DLGAP1: variants seen among roughly 807,000 people sequenced by gnomAD.
The protein encoded by DLGAP1 is DLG associated protein 1, also known as disks large-associated protein 1.
A neutral mutation model predicts 90.8 loss-of-function variants in DLGAP1; 11 were observed. That is an observed-to-expected ratio of 0.12 (90% confidence interval 0.08 to 0.20). The LOEUF (loss-of-function observed/expected upper bound fraction) is 0.20, where lower values mean the gene tolerates loss of function less well. DLGAP1 is among the 10% of genes least tolerant of loss of function. The probability of loss-of-function intolerance (pLI) is 1.00; values close to 1 mark genes in which losing one functional copy is unlikely to be tolerated. For synonymous variants in DLGAP1, 558 were observed against 540.7 expected (o/e 1.03, Z -0.44); for missense variants, 1,050 against 1,333.8 (o/e 0.79, Z 3.31).
chr18:3,543,113 G>A (rs893948710), intron 9 of DLGAP1, among the ~76,000 whole-genome samples: 3 of 150,920 alleles, frequency 2.0e-5, no homozygotes, highest in African/African-American at 4.9e-5. Context: ...GAGGTAAAGC[G>A]ACTTTCAATC....
chr18:4,332,391 T>C (rs1266978422), intron 1 of DLGAP1, among the ~76,000 whole-genome samples: 2 of 151,946 alleles, frequency 1.3e-5, no homozygotes, highest in Non-Finnish European at 2.9e-5. Flanking sequence ...TGCGTATTAT[T>C]AGGTAGAAAA....
intron 1 of DLGAP1, among the ~76,000 whole-genome samples, chr18:4,223,302 A>T (rs942247024): frequency 4.6e-5 from 7 of 152,286 alleles, no homozygotes; most frequent in African/African-American, 1.7e-4. Flanking sequence ...TGTATAATTT[A>T]TTAGAGAGTG....
At chr18:3,542,858 T>C (rs144235073) in intron 9 of DLGAP1, among the ~76,000 whole-genome samples, 8 of 152,340 alleles carry the variant, frequency 5.3e-5, no homozygotes, top group African/African-American at 1.9e-4. Flanking sequence ...TACCACACAC[T>C]TATTCACACT....
intron 4 of DLGAP1, among the ~76,000 whole-genome samples, chr18:3,862,659 A>C (rs1434452346): frequency 1.3e-5 from 2 of 152,230 alleles, no homozygotes; most frequent in Non-Finnish European, 2.9e-5. Context: ...GGTGGCTAAG[A>C]ATCCCACCAA....
chr18:3,890,385 G>A (rs1168245801), intron 3 of DLGAP1, among the ~76,000 whole-genome samples: 3 of 152,210 alleles, frequency 2.0e-5, no homozygotes, highest in African/African-American at 7.2e-5. Context: ...ACCTTACAGA[G>A]TATTTTTCCT....
At chr18:4,446,860 GGA>G (rs2083680511) in intron 1 of DLGAP1, among the ~76,000 whole-genome samples, 1 of 152,036 alleles carries the variant, frequency 6.6e-6, no homozygotes, top group Admixed American at 6.6e-5. Context: ...AAAAGAAGTA[GGA>G]GAGTGGGGAA....
At chr18:3,586,535 C>T (rs180996670) in intron 7 of DLGAP1, among the ~76,000 whole-genome samples, 3 of 151,718 alleles carry the variant, frequency 2.0e-5, no homozygotes, top group Admixed American at 6.6e-5. Flanking sequence ...GTGCTGTGTA[C>T]GCTGGCCTTG....
intron 7 of DLGAP1, among the ~76,000 whole-genome samples, chr18:3,666,243 A>G (rs1203343142): frequency 6.6e-6 from 1 of 152,228 alleles, no homozygotes; most frequent in African/African-American, 2.4e-5. Context: ...TTTGCAAATA[A>G]TATCACAAAA....
chr18:4,297,357 A>G (rs1331189191), intron 1 of DLGAP1, among the ~76,000 whole-genome samples: 1 of 152,202 alleles, frequency 6.6e-6, no homozygotes, highest in Non-Finnish European at 1.5e-5. Flanking sequence ...GCTCCATGCC[A>G]TGGGAAAAAT....
rs564213982 is a variant in DLGAP1 at position 3,598,162 on chromosome 18, A to G, written c.1592-15914T>C. 3 of 152,334 alleles carry G rather than the reference A, an allele frequency of 2.0e-5. No homozygotes were observed. The South Asian group carries it at 6.2e-4, about 32-fold the overall frequency. The allele number at this position is 152,334 out of a possible 1,614,324, so 9.4% of individuals were successfully genotyped here. A position where few individuals can be genotyped will look rare whatever the true frequency, so the allele number is the denominator to read the frequency against. ...TCAAGAGATCAAGACCATCCTGGCC[A>G]ACCAACATAGTGAACCTGTCTCTAC... On this transcript the variant is annotated intron_variant, in intron 7 of 12. Coordinates refer to ENST00000315677, the MANE Select transcript of DLGAP1 (RefSeq NM_004746.4).
intron 1 of DLGAP1, among the ~76,000 whole-genome samples, chr18:4,163,894 C>T (rs2076889409): frequency 6.6e-6 from 1 of 152,046 alleles, no homozygotes; most frequent in African/African-American, 2.4e-5. Context: ...TATAATTCTC[C>T]ACAAGAAGTG....
intron 1 of DLGAP1, among the ~76,000 whole-genome samples, chr18:4,402,155 G>C (rs749164850): frequency 6.6e-6 from 1 of 152,144 alleles, no homozygotes; most frequent in Non-Finnish European, 1.5e-5. Flanking sequence ...GGCGATAACT[G>C]AACTTCACCA....
intron 4 of DLGAP1, among the ~76,000 whole-genome samples, chr18:3,868,876 C>T (rs3850811): frequency 1.3e-5 from 2 of 151,890 alleles, no homozygotes; most frequent in South Asian, 2.1e-4. Context: ...CCTGGCTTAG[C>T]GACTTTGGGC....
chr18:4,148,921 C>A (rs942852915), intron 2 of DLGAP1, among the ~76,000 whole-genome samples: 2 of 152,156 alleles, frequency 1.3e-5, no homozygotes, highest in African/African-American at 4.8e-5. Context: ...GTCCTCATGT[C>A]AAAACAAAAC....
At chr18:4,382,256 C>T (rs2082140522) in intron 1 of DLGAP1, among the ~76,000 whole-genome samples, 1 of 152,132 alleles carries the variant, frequency 6.6e-6, no homozygotes, top group African/African-American at 2.4e-5. Context: ...CAGCACACCT[C>T]ACTAAACTTT....
At chr18:4,264,972 TC>T (rs1378238162) in intron 1 of DLGAP1, 1 of 152,206 alleles carries the variant, frequency 6.6e-6, no homozygotes, top group Non-Finnish European at 1.5e-5. Flanking sequence ...TTTCCAGTGC[TC>T]CCCTGCCTAG....
At chr18:4,109,140 C>T (rs921057205) in intron 2 of DLGAP1, among the ~76,000 whole-genome samples, 6 of 147,288 alleles carry the variant, frequency 4.1e-5, no homozygotes, top group African/African-American at 1.5e-4. Flanking sequence ...CAGCTTGTAA[C>T]TGATATCTGG....
chr18:3,769,419 C>T (rs779942581), intron 5 of DLGAP1, among the ~76,000 whole-genome samples: 50 of 152,082 alleles, frequency 3.3e-4, no homozygotes, highest in Admixed American at 1.1e-3. Context: ...AGAAATGAAG[C>T]GTATGTTCAC....
chr18:4,049,129 T>A (rs1465115894), intron 2 of DLGAP1, among the ~76,000 whole-genome samples: 1 of 150,192 alleles, frequency 6.7e-6, no homozygotes, highest in African/African-American at 2.5e-5. Context: ...CGGGAGGCTG[T>A]GGCAGGAGAA....
Sources: allele counts gnomAD v4.1 joint callset (sites outside exome capture counted in the v4.1 genomes callset), GRCh38; gene constraint gnomAD v4.1.1; transcripts MANE v1.5; gene names NCBI Gene and HGNC (gene_info 2026-07-23, HGNC 2026-07-21).